GRID1: variants seen among roughly 807,000 people sequenced by gnomAD.
GRID1 encodes the protein glutamate receptor ionotropic, delta-1.
In GRID1, 28 loss-of-function variants were observed where a neutral mutation model predicts 98.0. The observed-to-expected ratio is 0.29, with a 90% CI of 0.21 to 0.39. GRID1 has a LOEUF of 0.39. Among genes scored for constraint, GRID1 ranks in the 10% least tolerant of loss-of-function variants. GRID1 has a pLI of 1.00. For missense variants in GRID1, 1,111 were observed against 1,340.5 expected (o/e 0.83, Z 2.67); for synonymous variants, 553 against 538.5 (o/e 1.03, Z -0.37).
intron 4 of GRID1, among the ~76,000 whole-genome samples, chr10:86,124,907 C>T (rs1173010904): frequency 6.6e-6 from 1 of 152,192 alleles, no homozygotes; most frequent in South Asian, 2.1e-4. Context: ...ATATGGGGAA[C>T]TGGGCAGTTC....
intron 4 of GRID1, among the ~76,000 whole-genome samples, chr10:86,036,509 TG>T (rs759052150): frequency 2.0e-5 from 3 of 152,164 alleles, no homozygotes; most frequent in Non-Finnish European, 4.4e-5. Context: ...ACCTCGAGCC[TG>T]TCACCTCCAG....
At chr10:86,238,913 A>G (rs1846583069) in intron 2 of GRID1, among the ~76,000 whole-genome samples, 1 of 152,174 alleles carries the variant, frequency 6.6e-6, no homozygotes, top group African/African-American at 2.4e-5. Flanking sequence ...GGCAGTGTGG[A>G]GAGAAAATGT....
intron 8 of GRID1, among the ~76,000 whole-genome samples, chr10:85,739,676 G>T (rs1322012960): frequency 6.6e-6 from 1 of 151,998 alleles, no homozygotes; most frequent in Non-Finnish European, 1.5e-5. Context: ...GGAGCTAGAT[G>T]GTATCAAGTG....
At chr10:85,742,685 T>C (rs1841955973) in intron 8 of GRID1, among the ~76,000 whole-genome samples, 1 of 152,198 alleles carries the variant, frequency 6.6e-6, no homozygotes, top group South Asian at 2.1e-4. Context: ...GATTGTATTT[T>C]CTAAAGATGG....
intron 2 of GRID1, among the ~76,000 whole-genome samples, chr10:86,330,223 T>C (rs140130424): frequency 6.6e-6 from 1 of 151,830 alleles, no homozygotes; most frequent in African/African-American, 2.4e-5. Context: ...TCGGGGGTGG[T>C]TCACACCCTT....
chr10:85,948,397 C>T, intron 4 of GRID1, among the ~76,000 whole-genome samples: 1 of 152,208 alleles, frequency 6.6e-6, no homozygotes, highest in East Asian at 1.9e-4. Flanking sequence ...TTTTGGGAAG[C>T]TGCATTGTCA....
chr10:86,171,000 C>T (rs1845477809), intron 3 of GRID1, among the ~76,000 whole-genome samples: 1 of 152,172 alleles, frequency 6.6e-6, no homozygotes, highest in South Asian at 2.1e-4. Context: ...ACCACCCGTT[C>T]AGCGTGACTT....
chr10:86,351,161 TG>T (rs1466356690), intron 2 of GRID1, among the ~76,000 whole-genome samples: 1 of 152,230 alleles, frequency 6.6e-6, no homozygotes, highest in Non-Finnish European at 1.5e-5. Flanking sequence ...CTCAGGTGAC[TG>T]TCCATGAGGC....
At chr10:85,635,411 CT>C (rs1843027218) in intron 13 of GRID1, among the ~76,000 whole-genome samples, 2 of 152,118 alleles carry the variant, frequency 1.3e-5, no homozygotes, top group Non-Finnish European at 2.9e-5. Context: ...AGAGGACCCC[CT>C]GCCCTCCCCT....
chr10:86,248,254 G>A (rs1589425638), intron 2 of GRID1, among the ~76,000 whole-genome samples: 1 of 152,112 alleles, frequency 6.6e-6, no homozygotes, highest in Non-Finnish European at 1.5e-5. Context: ...CTTCACCCCC[G>A]CAGCAGGCTG....
intron 4 of GRID1, among the ~76,000 whole-genome samples, chr10:85,989,179 A>C (rs1842648401): frequency 6.6e-6 from 1 of 152,170 alleles, no homozygotes. Context: ...GAGTTCCACA[A>C]AGGCTGTTGT....
intron 12 of GRID1, among the ~76,000 whole-genome samples, chr10:85,648,233 G>A (rs1305022159): frequency 6.6e-6 from 1 of 152,146 alleles, no homozygotes; most frequent in East Asian, 1.9e-4. Flanking sequence ...CCCAAGAGCA[G>A]ACTTCTGAGC....
intron 14 of GRID1, among the ~76,000 whole-genome samples, chr10:85,614,609 G>A (rs1201033057): frequency 6.6e-6 from 1 of 151,976 alleles, no homozygotes; most frequent in Non-Finnish European, 1.5e-5. Context: ...AAAACCCCAT[G>A]TGAAAGTCAT....
chr10:86,349,674 G>A (rs1480605157), intron 2 of GRID1, among the ~76,000 whole-genome samples: 1 of 152,232 alleles, frequency 6.6e-6, no homozygotes, highest in African/African-American at 2.4e-5. Flanking sequence ...GGACAGGGCT[G>A]CTATACATGC....
At chr10:86,025,853 A>G (rs1380854433) in intron 4 of GRID1, among the ~76,000 whole-genome samples, 1 of 152,196 alleles carries the variant, frequency 6.6e-6, no homozygotes, top group African/African-American at 2.4e-5. Flanking sequence ...TCACTCCCCT[A>G]GAACTCCAGT....
intron 8 of GRID1, among the ~76,000 whole-genome samples, chr10:85,829,179 CAT>C (rs1216021803): frequency 6.6e-6 from 1 of 151,644 alleles, no homozygotes; most frequent in African/African-American, 2.4e-5. Context: ...TGATTCGTCA[CAT>C]AAACAGAACT....
rs541556193 is a variant in GRID1, at chr10:85,788,371, T to C, written c.1234-58757A>G. ...AGCCCCTCTATTCCTACTTAGCACT[T>C]AATTATTATGTTTAGGTGTGTTCTT... On this transcript the variant is annotated intron_variant, in intron 8 of 15. Transcript: ENST00000327946. Among the ~76,000 whole-genome samples, 9 of 152,264 alleles carry C rather than the reference T, an allele frequency of 5.9e-5. No individual in the cohort carries two copies. The East Asian group carries it at 1.7e-3, about 29-fold the overall frequency.
At chr10:86,327,307 T>G (rs1424583126) in intron 2 of GRID1, among the ~76,000 whole-genome samples, 1 of 152,196 alleles carries the variant, frequency 6.6e-6, no homozygotes, top group Non-Finnish European at 1.5e-5. Context: ...GCTGTAACAC[T>G]GGTTATATAT....
At chr10:85,684,088 A>G (rs772470420) in intron 12 of GRID1, among the ~76,000 whole-genome samples, 13 of 152,230 alleles carry the variant, frequency 8.5e-5, no homozygotes, top group Non-Finnish European at 1.8e-4. Context: ...GGAGCCTCAC[A>G]ATATGTGCAG....
Sources: gnomAD v4.1 joint callset for allele counts (sites outside exome capture counted in the v4.1 genomes callset) on GRCh38, gnomAD v4.1.1 for gene constraint, MANE v1.5 for transcripts, NCBI Gene and HGNC (gene_info 2026-07-23, HGNC 2026-07-21) for gene names.